The following FHIT variants were observed in gnomAD, a reference collection of about 807,000 sequenced individuals.
FHIT encodes the protein fragile histidine triad diadenosine triphosphatase.
FHIT carries 19 observed loss-of-function variants against 17.9 expected under a neutral mutation model. That is an observed-to-expected ratio of 1.06 (90% CI 0.74 to 1.56). FHIT has a LOEUF of 1.56. FHIT is among the 40% of genes most tolerant of loss of function. The probability of loss-of-function intolerance (pLI) is 0.00; values close to 1 mark genes in which losing one functional copy is unlikely to be tolerated. For missense variants in FHIT, 248 were observed against 189.2 expected (o/e 1.31, Z -1.82); for synonymous variants, 81 against 69.7 (o/e 1.16, Z -0.81).
intron 2 of FHIT, among the ~76,000 whole-genome samples, chr3:61,133,466 G>C (rs553087297): frequency 6.6e-6 from 1 of 152,270 alleles, no homozygotes; most frequent in South Asian, 2.1e-4. Context: ...AGAGGAAAAG[G>C]GGAAAATAGG....
chr3:60,907,722 T>C (rs1172781366), intron 3 of FHIT, among the ~76,000 whole-genome samples: 11 of 152,192 alleles, frequency 7.2e-5, no homozygotes, highest in Admixed American at 7.2e-4. Context: ...AACAAAATGT[T>C]AATAACTGGA....
chr3:59,816,241 G>A (rs1700595738), intron 8 of FHIT, among the ~76,000 whole-genome samples: 2 of 152,078 alleles, frequency 1.3e-5, no homozygotes, highest in African/African-American at 4.8e-5. Context: ...GGGCTTGTTG[G>A]GAGGATTCCA....
intron 1 of FHIT, among the ~76,000 whole-genome samples, chr3:61,205,403 T>C (rs1333442271): frequency 2.0e-5 from 3 of 152,208 alleles, no homozygotes; most frequent in Non-Finnish European, 4.4e-5. Flanking sequence ...CCACACTGAC[T>C]TCCACAATGG....
intron 5 of FHIT, among the ~76,000 whole-genome samples, chr3:60,340,481 G>T (rs1710462290): frequency 6.6e-6 from 1 of 152,144 alleles, no homozygotes; most frequent in African/African-American, 2.4e-5. Context: ...CAAAAGACTT[G>T]ACTAGCTGCT....
At chr3:59,973,456 C>T (rs1708275759) in intron 7 of FHIT, among the ~76,000 whole-genome samples, 1 of 152,126 alleles carries the variant, frequency 6.6e-6, no homozygotes, top group Non-Finnish European at 1.5e-5. Flanking sequence ...CCTCCCCAAC[C>T]TCTGTCTCTG....
chr3:60,166,712 T>C (rs1242953064), intron 5 of FHIT, among the ~76,000 whole-genome samples: 1 of 152,186 alleles, frequency 6.6e-6, no homozygotes, highest in African/African-American at 2.4e-5. Flanking sequence ...TAAAACTGTG[T>C]TGCTTTCATG....
chr3:60,261,868 G>GGAAC (rs1706322168), intron 5 of FHIT, among the ~76,000 whole-genome samples: 1 of 151,932 alleles, frequency 6.6e-6, no homozygotes, highest in Admixed American at 6.6e-5. Flanking sequence ...CTGGAGAAAA[G>GGAAC]GAACATCTCT....
intron 5 of FHIT, among the ~76,000 whole-genome samples, chr3:60,403,611 A>G (rs1317517872): frequency 6.6e-6 from 1 of 152,188 alleles, no homozygotes; most frequent in African/African-American, 2.4e-5. Flanking sequence ...ATTATAGGTC[A>G]TTAGACCCCC....
intron 5 of FHIT, among the ~76,000 whole-genome samples, chr3:60,188,473 A>T (rs1041820155): frequency 1.3e-5 from 2 of 152,166 alleles, no homozygotes; most frequent in African/African-American, 4.8e-5. Context: ...CAATGTGTGT[A>T]TGCTTTCCGC....
chr3:60,408,762 G>A (rs1701963406), intron 5 of FHIT, among the ~76,000 whole-genome samples: 1 of 152,096 alleles, frequency 6.6e-6, no homozygotes, highest in African/African-American at 2.4e-5. Flanking sequence ...AATGAAATAT[G>A]ACTTTAATAT....
At chr3:60,008,062 A>C (rs1402451882) in intron 7 of FHIT, among the ~76,000 whole-genome samples, 1 of 152,146 alleles carries the variant, frequency 6.6e-6, no homozygotes. Context: ...GTCCTCACAA[A>C]GCTTACCTTC....
intron 2 of FHIT, among the ~76,000 whole-genome samples, chr3:61,054,626 A>C (rs920040261): frequency 2.6e-5 from 4 of 152,148 alleles, no homozygotes; most frequent in African/African-American, 9.7e-5. Flanking sequence ...TCTACTAGAG[A>C]GGTTCTGTAT....
intron 5 of FHIT, among the ~76,000 whole-genome samples, chr3:60,121,679 G>A (rs1705255884): frequency 7.3e-6 from 1 of 136,930 alleles, no homozygotes; most frequent in Non-Finnish European, 1.6e-5. Context: ...GCAAGACTCT[G>A]TCTCAAAAAA....
intron 5 of FHIT, among the ~76,000 whole-genome samples, chr3:60,123,962 CT>C: frequency 1.6e-5 from 1 of 63,314 alleles, no homozygotes; most frequent in African/African-American, 7.4e-5. Flanking sequence ...CAGAAATGCA[CT>C]AAAAATATAT....
At chr3:60,761,011 C>A (rs1312499320) in intron 4 of FHIT, among the ~76,000 whole-genome samples, 4 of 152,124 alleles carry the variant, frequency 2.6e-5, no homozygotes, top group Non-Finnish European at 5.9e-5. Flanking sequence ...TGAAGCCTTA[C>A]TTTTAATAGC....
At chr3:59,982,383 T>A (rs1028953124) in intron 7 of FHIT, among the ~76,000 whole-genome samples, 3 of 151,664 alleles carry the variant, frequency 2.0e-5, no homozygotes, top group Non-Finnish European at 4.4e-5. Flanking sequence ...AAAAAAAAAA[T>A]TAATTTGTGG....
intron 4 of FHIT, among the ~76,000 whole-genome samples, chr3:60,685,709 T>C (rs1431854509): frequency 1.3e-5 from 2 of 152,190 alleles, no homozygotes; most frequent in African/African-American, 4.8e-5. Flanking sequence ...ATTACTATTA[T>C]ACTATTTACA....
Position 60,342,052 on chromosome 3 carries a change from C to A in FHIT, c.103+194808G>T, listed in dbSNP as rs1710543092. 2.0e-5 allele frequency among the ~76,000 whole-genome samples: 3 copies of A among 152,164 alleles called. No homozygotes were observed. The South Asian group carries it at 6.2e-4, about 31-fold the overall frequency. On this transcript the variant is annotated intron_variant, in intron 5 of 9. Coordinates refer to ENST00000492590, the MANE Select transcript of FHIT (RefSeq NM_002012.4). ...GGGGATCCTGCTAACAGGCCATCAC[C>A]TCACACATTGAATTCCAAGCCATAC... is the stretch of plus-strand genomic sequence containing the variant.
chr3:60,319,818 C>T (rs1709339466), intron 5 of FHIT, among the ~76,000 whole-genome samples: 2 of 152,162 alleles, frequency 1.3e-5, no homozygotes, highest in South Asian at 4.2e-4. Flanking sequence ...TTGGTCTTTT[C>T]ATGCCAGGAT....
Sources: gnomAD v4.1 joint callset for allele counts (sites outside exome capture counted in the v4.1 genomes callset) on GRCh38, gnomAD v4.1.1 for gene constraint, MANE v1.5 for transcripts, NCBI Gene and HGNC (gene_info 2026-07-23, HGNC 2026-07-21) for gene names.